Variants in PLD1 observed in about 807,000 individuals in gnomAD.
PLD1 encodes the protein phospholipase D1, also known as choline phosphatase 1.
In PLD1, 112 loss-of-function variants were observed where a neutral mutation model predicts 137.1. The observed-to-expected ratio is 0.82, with a 90% CI of 0.70 to 0.96. PLD1 has a LOEUF of 0.96. Among genes scored for constraint, PLD1 ranks in the 40% least tolerant of loss-of-function variants. The pLI is 0.00. For synonymous variants in PLD1, 431 were observed against 454.7 expected, an observed-to-expected ratio of 0.95 and a Z score of 0.66; for missense variants, 1,321 against 1,342.0, an observed-to-expected ratio of 0.98 and a Z score of 0.24.
intron 1 of PLD1, among the ~76,000 whole-genome samples, chr3:171,776,056 C>T (rs1429643213): frequency 6.6e-6 from 1 of 152,152 alleles, no homozygotes; most frequent in Non-Finnish European, 1.5e-5. Context: ...ACAGTAACCC[C>T]TTCATTTGCG....
Position 171,744,394 on chromosome 3 carries a change from C to T in PLD1, c.-31-6312G>A, listed in dbSNP as rs547375030. On this transcript the variant is annotated intron_variant, in intron 1 of 26. Coordinates refer to ENST00000351298, the MANE Select transcript of PLD1 (RefSeq NM_002662.5). Reference sequence around the variant, plus strand: ...TCCTGCCCATAACCTGTGAGTCCAGCTTGCTATTATGTCTATGGTTCTAAG... The same window carrying T: ...TCCTGCCCATAACCTGTGAGTCCAGTTTGCTATTATGTCTATGGTTCTAAG... Among the ~76,000 whole-genome samples the T allele has an allele frequency of 2.7e-4, 41 of 152,286 alleles. 1 individual carries two copies. The highest frequency in any genetic ancestry group is 3.4e-3 in the Middle Eastern group (1 of 294).
At chr3:171,765,074 G>C (rs766077504) in intron 1 of PLD1, 5 of 152,064 alleles carry the variant, frequency 3.3e-5, no homozygotes, top group Non-Finnish European at 5.9e-5. Flanking sequence ...AGGTAGGGAG[G>C]ATGGGTACAA....
chr3:171,650,461 G>C (rs1258626829), intron 21 of PLD1, among the ~76,000 whole-genome samples: 1 of 152,180 alleles, frequency 6.6e-6, no homozygotes, highest in Non-Finnish European at 1.5e-5. Flanking sequence ...AGGCCGGAGG[G>C]AGATCAACAT....
At chr3:171,625,137 G>C (rs541751423) in intron 23 of PLD1, among the ~76,000 whole-genome samples, 1 of 152,098 alleles carries the variant, frequency 6.6e-6, no homozygotes, top group Non-Finnish European at 1.5e-5. Context: ...GGAAAATCGG[G>C]TCACTCCCAC....
intron 1 of PLD1, among the ~76,000 whole-genome samples, chr3:171,746,728 C>T (rs1720217904): frequency 6.6e-6 from 1 of 152,136 alleles, no homozygotes; most frequent in South Asian, 2.1e-4. Flanking sequence ...CAATCAGCAC[C>T]CTGTCAAAAT....
intron 19 of PLD1, among the ~76,000 whole-genome samples, chr3:171,671,636 A>C (rs1000376797): frequency 1.3e-5 from 2 of 152,164 alleles, no homozygotes; most frequent in Non-Finnish European, 2.9e-5. Context: ...AGATGGAAAC[A>C]GATAAGAATG....
chr3:171,707,802 AG>A (rs1716811738), intron 11 of PLD1, among the ~76,000 whole-genome samples: 1 of 152,230 alleles, frequency 6.6e-6, no homozygotes, highest in Non-Finnish European at 1.5e-5. Flanking sequence ...AGAATTATCT[AG>A]CCCCAAATGT....
At chr3:171,719,017 C>T (rs1717886281) in intron 8 of PLD1, among the ~76,000 whole-genome samples, 1 of 152,298 alleles carries the variant, frequency 6.6e-6, no homozygotes, top group African/African-American at 2.4e-5. Flanking sequence ...AGCCAGCCCT[C>T]CCCTTCTCAG....
At position 171,688,792 on chromosome 3, in the gene PLD1, C is replaced by T. The variant is rs750057076; in HGVS notation, c.1423G>A (p.Ala475Thr). ...EKLVIIDQSV[A>T]FVGGIDLAYG... The stretch of plus-strand genomic sequence containing the variant: ...GCCAGGTCAATCCCTCCCACAAAGG[C>T]CACCGATTGGTCAATGATGACAAGC... Residue 475 changes from alanine (A) to threonine (T), a missense_variant, in exon 14 of 27, where the codon GCC becomes ACC. Coordinates refer to ENST00000351298, the MANE Select transcript of PLD1 (RefSeq NM_002662.5). 2.1e-5 allele frequency: 34 copies of T among 1,613,968 alleles called. No homozygotes were observed. The South Asian group carries it at 3.4e-4, about 16-fold the overall frequency.
At chr3:171,737,804 C>T in intron 2 of PLD1, 88 bp downstream of exon 2, 3 of 1,451,868 alleles carry the variant, frequency 2.1e-6, no homozygotes, top group Non-Finnish European at 2.8e-6. Flanking sequence ...CAAGGAAAAT[C>T]AATCATTTGC....
intron 19 of PLD1, among the ~76,000 whole-genome samples, chr3:171,672,488 TA>T (rs1327955492): frequency 2.4e-5 from 3 of 127,416 alleles, no homozygotes; most frequent in African/African-American, 9.6e-5. Context: ...TTTTAGTTTT[TA>T]TTTTTATTTT....
chr3:171,660,907 C>A (rs1560190736), intron 20 of PLD1, among the ~76,000 whole-genome samples: 1 of 152,050 alleles, frequency 6.6e-6, no homozygotes, highest in Non-Finnish European at 1.5e-5. Context: ...CCGTGCCCGG[C>A]CAGAAAAGCT....
chr3:171,723,566 C>T (rs941822966), intron 8 of PLD1, among the ~76,000 whole-genome samples: 2 of 152,066 alleles, frequency 1.3e-5, no homozygotes, highest in Non-Finnish European at 2.9e-5. Context: ...CCGTAGTCGT[C>T]GTACTAATTT....
At chr3:171,702,433 A>C (rs1578314077) in intron 11 of PLD1, among the ~76,000 whole-genome samples, 1 of 151,928 alleles carries the variant, frequency 6.6e-6, no homozygotes, top group East Asian at 1.9e-4. Flanking sequence ...AGCTGCAGTG[A>C]GCCACGATCA....
chr3:171,751,152 T>C (rs1195605343), intron 1 of PLD1, among the ~76,000 whole-genome samples: 1 of 152,164 alleles, frequency 6.6e-6, no homozygotes, highest in Non-Finnish European at 1.5e-5. Flanking sequence ...AAAGCTCCAA[T>C]AAGAATAGTT....
In PLD1 at chr3:171,626,396, A is replaced by G. The variant is rs1734110282; in HGVS notation, c.2594-5876T>C. On this transcript the variant is annotated intron_variant, in intron 23 of 26. Transcript: ENST00000351298. ...TCTGATTAGTGTACCTGAAAGTGAC[A>G]GGGAGAATGGAACCAAGTTGGAAAA... Among the ~76,000 whole-genome samples the G allele has an allele frequency of 3.3e-5, 5 of 152,304 alleles. No homozygotes were observed. In the South Asian group the frequency reaches 1.0e-3, roughly 32 times the overall value.
At chr3:171,648,506 T>C (rs1047975062) in intron 21 of PLD1, among the ~76,000 whole-genome samples, 1 of 152,196 alleles carries the variant, frequency 6.6e-6, no homozygotes, top group African/African-American at 2.4e-5. Flanking sequence ...AACATGATTT[T>C]TATCATTTAA....
chr3:171,803,688 G>C (rs1180608978), intron 1 of PLD1, among the ~76,000 whole-genome samples: 5 of 152,170 alleles, frequency 3.3e-5, no homozygotes, highest in Non-Finnish European at 5.9e-5. Context: ...AGCTGAGATA[G>C]CACCATTGCA....
intron 1 of PLD1, chr3:171,793,847 A>G (rs948667685): frequency 6.6e-6 from 1 of 152,212 alleles, no homozygotes; most frequent in African/African-American, 2.4e-5. Context: ...ATCATCTCAC[A>G]TCATCACAAG....
Sources: allele counts gnomAD v4.1 joint callset (sites outside exome capture counted in the v4.1 genomes callset), GRCh38; gene constraint gnomAD v4.1.1; transcripts MANE v1.5; gene names NCBI Gene and HGNC (gene_info 2026-07-23, HGNC 2026-07-21).